The following CFAP47 variants were observed in gnomAD, a reference collection of about 807,000 sequenced individuals.
The protein encoded by CFAP47 is cilia- and flagella-associated protein 47.
A neutral mutation model predicts 148.1 loss-of-function variants in CFAP47; 29 were observed. That is an observed-to-expected ratio of 0.20 (90% CI 0.15 to 0.27). The LOEUF (loss-of-function observed/expected upper bound fraction) is 0.27, where lower values mean the gene tolerates loss of function less well. Among genes scored for constraint, CFAP47 ranks in the 10% least tolerant of loss-of-function variants. The probability of loss-of-function intolerance (pLI) is 1.00; values close to 1 mark genes in which losing one functional copy is unlikely to be tolerated. For missense variants in CFAP47, 1,872 were observed against 1,697.5 expected (o/e 1.10, Z -1.81); for synonymous variants, 664 against 577.3 (o/e 1.15, Z -2.15).
intron 57 of CFAP47, among the ~76,000 whole-genome samples, chrX:36,331,776 G>A (rs1941567243): frequency 9.0e-6 from 1 of 111,307 alleles, no homozygotes; most frequent in South Asian, 3.7e-4. Context: ...CCTCATCTAC[G>A]CCAACCTAAG....
intron 26 of CFAP47, among the ~76,000 whole-genome samples, chrX:36,047,397 T>C (rs1021294444): frequency 8.9e-6 from 1 of 111,829 alleles, no homozygotes; most frequent in Non-Finnish European, 1.9e-5. Context: ...TTAGTAATTA[T>C]TGAGCAATTG....
rs782098722 is a variant in CFAP47, at chrX:36,355,009, C to A, written c.8851+1328C>A. 9.2e-4 allele frequency among the ~76,000 whole-genome samples: 102 copies of A among 110,446 alleles called. 2 individuals carry two copies. In the South Asian group the frequency reaches 0.036, roughly 39 times the overall value. On this transcript the variant is annotated intron_variant, in intron 60 of 63. Coordinates refer to ENST00000378653, the MANE Select transcript of CFAP47 (RefSeq NM_001304548.2). ...CTGATAAGTGGTTAATCTTAAGGAGCTCCTACAACTCAATTAAAAAAAAAC... is the reference window on the plus strand; with the variant it reads ...CTGATAAGTGGTTAATCTTAAGGAGATCCTACAACTCAATTAAAAAAAAAC...
At chrX:36,131,283 A>C (rs1420502166) in intron 33 of CFAP47, among the ~76,000 whole-genome samples, 1 of 111,329 alleles carries the variant, frequency 9.0e-6, no homozygotes, top group Non-Finnish European at 1.9e-5. Flanking sequence ...CGGAAACCTC[A>C]TGTGTTGCTA....
chrX:36,191,900 T>C (rs1939869808), intron 42 of CFAP47, among the ~76,000 whole-genome samples: 1 of 110,677 alleles, frequency 9.0e-6, no homozygotes, highest in Non-Finnish European at 1.9e-5. Context: ...GGAGAATTGC[T>C]TGAACCTGGA....
At chrX:36,215,847 T>G (rs1174170308) in intron 45 of CFAP47, among the ~76,000 whole-genome samples, 1 of 111,571 alleles carries the variant, frequency 9.0e-6, no homozygotes, top group Non-Finnish European at 1.9e-5. Flanking sequence ...CTACCTCCAT[T>G]AACTAACCTT....
At chrX:36,261,643 G>A (rs1328919239) in intron 49 of CFAP47, among the ~76,000 whole-genome samples, 1 of 109,890 alleles carries the variant, frequency 9.1e-6, no homozygotes, top group African/African-American at 3.4e-5. Flanking sequence ...ATGGTTGGGG[G>A]TAAGGTCATA....
chrX:36,111,795 C>T (rs749360106), intron 33 of CFAP47, among the ~76,000 whole-genome samples: 1 of 111,393 alleles, frequency 9.0e-6, no homozygotes, highest in African/African-American at 3.3e-5. Flanking sequence ...AGCTCATTAT[C>T]GGTTTGCTCA....
At chrX:36,009,273 C>A (rs1937013653) in intron 21 of CFAP47, among the ~76,000 whole-genome samples, 1 of 109,198 alleles carries the variant, frequency 9.2e-6, no homozygotes, top group Admixed American at 9.9e-5. Flanking sequence ...AAAATAATAG[C>A]CTAAAATAAT....
At chrX:36,175,863 G>T (rs1166425859) in intron 39 of CFAP47, among the ~76,000 whole-genome samples, 2 of 113,538 alleles carry the variant, frequency 1.8e-5, no homozygotes, top group Admixed American at 1.8e-4. Context: ...GTTTACCTAA[G>T]CAAGCCTGGG....
At chrX:36,265,670 C>T (rs782251803) in intron 49 of CFAP47, among the ~76,000 whole-genome samples, 1 of 111,872 alleles carries the variant, frequency 8.9e-6, no homozygotes, top group Non-Finnish European at 1.9e-5. Context: ...AATGTGCTTT[C>T]TTGCCATCCA....
intron 25 of CFAP47, among the ~76,000 whole-genome samples, chrX:36,045,087 C>A (rs1256533822): frequency 8.9e-6 from 1 of 111,830 alleles, no homozygotes; most frequent in Non-Finnish European, 1.9e-5. Flanking sequence ...ATTGCTCTAT[C>A]TAGAAATTCC....
At chrX:35,982,182 T>G (rs774032115) in intron 15 of CFAP47, among the ~76,000 whole-genome samples, 1 of 111,896 alleles carries the variant, frequency 8.9e-6, no homozygotes, top group African/African-American at 3.2e-5. Context: ...CATTGGTTAT[T>G]ATTTGACTTT....
chrX:36,250,173 T>A (rs188648496), intron 48 of CFAP47, among the ~76,000 whole-genome samples: 6 of 111,474 alleles, frequency 5.4e-5, no homozygotes, highest in African/African-American at 9.7e-5. Context: ...CCTGTGTCCA[T>A]CAACAAATGA....
chrX:35,945,113 G>A (rs976876199), intron 3 of CFAP47, among the ~76,000 whole-genome samples: 2 of 111,505 alleles, frequency 1.8e-5, no homozygotes, highest in Non-Finnish European at 3.8e-5. Context: ...GAGGCCCTGG[G>A]TAAGGAATTT....
intron 57 of CFAP47, among the ~76,000 whole-genome samples, chrX:36,325,682 C>G (rs1367835801): frequency 9.0e-6 from 1 of 110,635 alleles, no homozygotes; most frequent in African/African-American, 3.3e-5. Context: ...TAGGATAGCT[C>G]CTCAGAGTTG....
At position 36,012,068 on chromosome X, in the gene CFAP47, A is replaced by G. The variant is rs148815867; in HGVS notation, c.3418-2706A>G. ...TGTGGCCAGCAAGCATTAAAAAAACATCATCATCACTGGTCAGTAGAGAAA... is the reference window on the plus strand; with the variant it reads ...TGTGGCCAGCAAGCATTAAAAAAACGTCATCATCACTGGTCAGTAGAGAAA... On this transcript the variant is annotated intron_variant, in intron 21 of 63. Transcript: ENST00000378653. Among the ~76,000 whole-genome samples the G allele has an allele frequency of 5.0e-3, 562 of 111,873 alleles. 4 individuals are homozygous for G. The highest frequency in any genetic ancestry group is 0.017 in the African/African-American group (508 of 30,742).
At chrX:35,929,760 A>G (rs1005091834) in intron 2 of CFAP47, among the ~76,000 whole-genome samples, 1 of 110,953 alleles carries the variant, frequency 9.0e-6, no homozygotes. Flanking sequence ...GCACCTCGGG[A>G]GGCTGAGGCA....
chrX:36,146,081 C>A (rs1357704161), intron 36 of CFAP47, among the ~76,000 whole-genome samples: 7 of 111,084 alleles, frequency 6.3e-5, no homozygotes, highest in African/African-American at 1.3e-4. Flanking sequence ...TGATAATTTG[C>A]TAATTGCAAT....
In CFAP47 at chrX:36,379,450, A is replaced by G. The variant is rs1032669086; in HGVS notation, c.9286A>G (p.Thr3096Ala). 2.1e-5 allele frequency: 24 copies of G among 1,161,623 alleles called. No homozygotes were observed. Among genetic ancestry groups the G allele is most frequent in the Admixed American group, 1.0e-4 (4 of 38,465 alleles). ...GELLPFNTNG[T>A]LITVGFKPKM... ...ACTTCTTCCTTTTAACACAAACGGA[A>G]CTCTCATCACTGTAGGATTTAAACC... The change falls in exon 63 of 64, where the codon ACT (threonine) becomes GCT (alanine). Residue 3096 changes from threonine (T) to alanine (A), a missense_variant. Coordinates refer to ENST00000378653, the MANE Select transcript of CFAP47 (RefSeq NM_001304548.2).
Sources: allele counts gnomAD v4.1 joint callset (sites outside exome capture counted in the v4.1 genomes callset), GRCh38; gene constraint gnomAD v4.1.1; transcripts MANE v1.5; gene names NCBI Gene and HGNC (gene_info 2026-07-23, HGNC 2026-07-21).